Variants in ANKRD40 observed in about 807,000 individuals in gnomAD.
The protein encoded by ANKRD40 is ankyrin repeat domain-containing protein 40.
In ANKRD40, 24 loss-of-function variants were observed where a neutral mutation model predicts 35.5. That is an observed-to-expected ratio of 0.68 (90% CI 0.49 to 0.95). The LOEUF (loss-of-function observed/expected upper bound fraction) is 0.95, where lower values mean the gene tolerates loss of function less well. Ranked by LOEUF, ANKRD40 falls within the 40% of genes least tolerant of loss-of-function variation. The probability of loss-of-function intolerance (pLI) is 0.00; values close to 1 mark genes in which losing one functional copy is unlikely to be tolerated. For missense variants in ANKRD40, 361 were observed against 436.0 expected (o/e 0.83, Z 1.53); for synonymous variants, 147 against 173.5 (o/e 0.85, Z 1.20).
chr17:50,705,660 C>CT (rs901114991), intron 1 of ANKRD40, among the ~76,000 whole-genome samples: 3,729 of 127,130 alleles, frequency 0.029, 192 homozygotes, highest in African/African-American at 0.092. Context: ...GGAAGATAGA[C>CT]TTTTTTTTTT....
At chr17:50,697,969 T>C (rs1968219696) in intron 3 of ANKRD40, among the ~76,000 whole-genome samples, 1 of 152,246 alleles carries the variant, frequency 6.6e-6, no homozygotes. Context: ...TGGTTTTTAA[T>C]ATTTTTAAAA....
rs1025092517 is a variant in ANKRD40 at position 50,694,327 on chromosome 17, C to T, written c.*1670G>A. The T allele has an allele frequency of 2.0e-5, 3 of 152,092 alleles. No homozygotes were observed. Among genetic ancestry groups the T allele is most frequent in the African/African-American group, 7.2e-5 (3 of 41,388 alleles). 9.4% of individuals were successfully genotyped at this position (152,092 alleles called of 1,614,324 possible). A position where few individuals can be genotyped will look rare whatever the true frequency, so the allele number is the denominator to read the frequency against. On this transcript the variant is annotated 3_prime_UTR_variant, in exon 5 of 5. Coordinates refer to ENST00000285243, the MANE Select transcript of ANKRD40 (RefSeq NM_052855.4). ...TTAGCCTTGAAAAACATCTCAACCTCATTTCAGCATTTAGGCAGCAGCAGG... is the reference window on the plus strand; with the variant it reads ...TTAGCCTTGAAAAACATCTCAACCTTATTTCAGCATTTAGGCAGCAGCAGG...
At position 50,693,890 on chromosome 17, in the gene ANKRD40, G is replaced by A. The variant is rs2146653919; in HGVS notation, c.*2107C>T. 1 of 152,202 alleles carries A rather than the reference G, an allele frequency of 6.6e-6. No homozygotes were observed. The highest frequency in any genetic ancestry group is 2.1e-4 in the South Asian group (1 of 4,820). 9.4% of individuals were successfully genotyped at this position (152,202 alleles called of 1,614,324 possible). Reference sequence around the variant, plus strand: ...TCACACCTGTAATCGGAGCACTTTGGGAGGCCAAGGCAGGTGGATCACTTG... The same window carrying A: ...TCACACCTGTAATCGGAGCACTTTGAGAGGCCAAGGCAGGTGGATCACTTG... On this transcript the variant is annotated 3_prime_UTR_variant, in exon 5 of 5. Transcript: ENST00000285243.
At position 50,693,542 on chromosome 17, in the gene ANKRD40, C is replaced by T. The variant is rs1004647544; in HGVS notation, c.*2455G>A. ...AGCATAGGACAGAGATACATCAAAC[C>T]CACCTCTCACCAGAGACACCAGTCC... On this transcript the variant is annotated 3_prime_UTR_variant, in exon 5 of 5. Coordinates refer to ENST00000285243, the MANE Select transcript of ANKRD40 (RefSeq NM_052855.4). The T allele has an allele frequency of 4.6e-5, 7 of 152,332 alleles. No individual in the cohort carries two copies. Among genetic ancestry groups the T allele is most frequent in the African/African-American group, 1.7e-4 (7 of 41,556 alleles). 9.4% of individuals were successfully genotyped at this position (152,332 alleles called of 1,614,324 possible).
rs114381130 is a variant in ANKRD40, at chr17:50,705,359, T to C, written c.134+2162A>G. Among the ~76,000 whole-genome samples the C allele has an allele frequency of 4.2e-3, 632 of 151,718 alleles. 3 individuals are homozygous for C. The highest frequency in any genetic ancestry group is 0.015 in the African/African-American group (615 of 41,330). The stretch of plus-strand genomic sequence containing the variant: ...CAGTGCCAAAATGGTAATTCACAGC[T>C]TTGAACCAGAGGAATGCTGAGAAAA... On this transcript the variant is annotated intron_variant, in intron 1 of 4. Coordinates refer to ENST00000285243, the MANE Select transcript of ANKRD40 (RefSeq NM_052855.4).
At chr17:50,696,838 T>A in intron 4 of ANKRD40, 102 bp downstream of exon 4, 1 of 1,120,938 alleles carries the variant, frequency 8.9e-7, no homozygotes, top group Non-Finnish European at 1.2e-6. Flanking sequence ...TTGCTCCTTT[T>A]CTATTCTTTG....
Position 50,697,059 on chromosome 17 carries a change from C to A in ANKRD40, c.841G>T (p.Glu281Ter). The change falls in exon 4 of 5, where the codon GAA becomes TAA. Residue 281 changes from glutamate to a stop codon, truncating the protein, a stop_gained. Transcript: ENST00000285243. LOFTEE classifies it high-confidence loss of function. ...SLRENDFIEI[E>*]LDRQELTYQE... Reference sequence around the variant, plus strand: ...TAGGTGAGCTCCTGTCGGTCCAGTTCAATTTCAATGAAATCATTTTCTCGA... The same window carrying A: ...TAGGTGAGCTCCTGTCGGTCCAGTTAAATTTCAATGAAATCATTTTCTCGA... The A allele has an allele frequency of 6.2e-7, 1 of 1,614,058 alleles. No homozygotes were observed. The highest frequency in any genetic ancestry group is 8.5e-7 in the Non-Finnish European group (1 of 1,179,998).
chr17:50,699,468 T>C lies in ANKRD40; in HGVS notation c.709A>G (p.Thr237Ala). The change falls in exon 3 of 5, where the codon ACG (threonine) becomes GCG (alanine). Residue 237 changes from threonine (T) to alanine (A), a missense_variant. Coordinates refer to ENST00000285243, the MANE Select transcript of ANKRD40 (RefSeq NM_052855.4). The stretch of plus-strand genomic sequence containing the variant: ...AATGCTGGCGCTGGTCCTGCATACG[T>C]CCCATTTTGAGGCTCCAGAGACATT... Reference protein sequence around the residue: ...PPMSLEPQNGTYAGPAPAFQP... With the variant: ...PPMSLEPQNGAYAGPAPAFQP... The C allele has an allele frequency of 1.2e-6, 2 of 1,614,176 alleles. No individual in the cohort carries two copies. Among genetic ancestry groups the C allele is most frequent in the Non-Finnish European group, 1.7e-6 (2 of 1,180,028 alleles).
chr17:50,705,256 G>A (rs113400824), intron 1 of ANKRD40, among the ~76,000 whole-genome samples: 3,354 of 152,144 alleles, frequency 0.022, 42 homozygotes, highest in Non-Finnish European at 0.034. Context: ...AAGCATCTCA[G>A]GCAAAGTCCC....
In ANKRD40 at chr17:50,697,128, A is replaced by G. The variant is rs775077880; in HGVS notation, c.779-7T>C. 6.2e-7 allele frequency: 1 copy of G among 1,606,612 alleles called. No homozygotes were observed. ...CTCACCTTGAGTACCAGCTCTAGAA[A>G]AAAAAGGAGAAATGTTAATGAATAG... On this transcript the variant is annotated splice_region_variant and splice_polypyrimidine_tract_variant and intron_variant, in intron 3 of 4. Transcript: ENST00000285243.
chr17:50,698,547 A>C (rs1161946265), intron 3 of ANKRD40, among the ~76,000 whole-genome samples: 2 of 152,212 alleles, frequency 1.3e-5, no homozygotes, highest in Admixed American at 1.3e-4. Flanking sequence ...TCAAGATCAA[A>C]AATGATAAAG....
At chr17:50,704,253 G>A (rs62059754) in intron 1 of ANKRD40, among the ~76,000 whole-genome samples, 2,393 of 152,152 alleles carry the variant, frequency 0.016, 30 homozygotes, top group Middle Eastern at 0.051. Flanking sequence ...GGTGGCTCAC[G>A]CCTATAATCC....
chr17:50,700,189 A>G, intron 2 of ANKRD40: 1 of 289,130 alleles, frequency 3.5e-6, no homozygotes, highest in Non-Finnish European at 6.4e-6. Context: ...CATGCCTGTA[A>G]TCCCAGCACT....
In ANKRD40 at chr17:50,694,904, C is replaced by T. The variant is rs920489495; in HGVS notation, c.*1093G>A. 1 of 152,160 alleles carries T rather than the reference C, an allele frequency of 6.6e-6. No homozygotes were observed. Among genetic ancestry groups the T allele is most frequent in the East Asian group, 1.9e-4 (1 of 5,206 alleles). 9.4% of individuals were successfully genotyped at this position (152,160 alleles called of 1,614,324 possible). A position where few individuals can be genotyped will look rare whatever the true frequency, so the allele number is the denominator to read the frequency against. ...TTTGATACAAAAATAAAGATGCTAACTCCTTTAGCTCAGTTTCCCACAATA... is the reference window on the plus strand; with the variant it reads ...TTTGATACAAAAATAAAGATGCTAATTCCTTTAGCTCAGTTTCCCACAATA... On this transcript the variant is annotated 3_prime_UTR_variant, in exon 5 of 5. Coordinates refer to ENST00000285243, the MANE Select transcript of ANKRD40 (RefSeq NM_052855.4).
intron 1 of ANKRD40, among the ~76,000 whole-genome samples, chr17:50,701,506 C>T (rs187720517): frequency 6.6e-6 from 1 of 152,310 alleles, no homozygotes; most frequent in East Asian, 1.9e-4. Context: ...AGCAATTCTG[C>T]ACACTCTGAA....
At chr17:50,698,486 G>T (rs577273573) in intron 3 of ANKRD40, among the ~76,000 whole-genome samples, 1 of 152,188 alleles carries the variant, frequency 6.6e-6, no homozygotes, top group South Asian at 2.1e-4. Context: ...GAGAAAGAAT[G>T]ATAGAAAATC....
Position 50,707,477 on chromosome 17 carries a change from C to A in ANKRD40, c.134+44G>T, listed in dbSNP as rs1444672657. The A allele has an allele frequency of 1.9e-6, 3 of 1,583,448 alleles. No individual in the cohort carries two copies. The highest frequency in any genetic ancestry group is 1.7e-6 in the Non-Finnish European group (2 of 1,165,422). On this transcript the variant is annotated intron_variant, in intron 1 of 4. Coordinates refer to ENST00000285243, the MANE Select transcript of ANKRD40 (RefSeq NM_052855.4). The surrounding 1 kb of genome is among the most constrained non-coding windows in gnomAD (Gnocchi z 4.8). The stretch of plus-strand genomic sequence containing the variant: ...TCGCGACTGACTGCCCCACGCCTTC[C>A]GACCGGCTGCCCTGACCCTAGGCCT...
intron 3 of ANKRD40, among the ~76,000 whole-genome samples, 186 bp from the exon 4 acceptor site, chr17:50,697,307 T>C (rs889432264): frequency 6.6e-6 from 1 of 152,200 alleles, no homozygotes; most frequent in Non-Finnish European, 1.5e-5. Flanking sequence ...CTGCCTCTGC[T>C]GGGGCAGTTT....
In ANKRD40 at chr17:50,707,269, G is replaced by T. The variant is rs765026258; in HGVS notation, c.134+252C>A. On this transcript the variant is annotated intron_variant, in intron 1 of 4. Transcript: ENST00000285243. This position sits in a 1 kb window ranked among gnomAD's most constrained non-coding sequence, Gnocchi z 4.8. ...AAGTGAGCCGGGAGCGCGGGGGAAG[G>T]GGGTAGGGCACCAGAGTCCCAGTGG... is the stretch of plus-strand genomic sequence containing the variant. Among the ~76,000 whole-genome samples, 1 of 152,166 alleles carries T rather than the reference G, an allele frequency of 6.6e-6. No homozygotes were observed. Among genetic ancestry groups the T allele is most frequent in the South Asian group, 2.1e-4 (1 of 4,832 alleles).
Sources: gnomAD v4.1 joint callset for allele counts (sites outside exome capture counted in the v4.1 genomes callset) on GRCh38, gnomAD v4.1.1 for gene constraint, Gnocchi (gnomAD v3.1) non-coding constraint, MANE v1.5 for transcripts, NCBI Gene and HGNC (gene_info 2026-07-23, HGNC 2026-07-21) for gene names.